LPP: variants seen among roughly 807,000 people sequenced by gnomAD.
LPP encodes the protein lipoma-preferred partner.
Under a neutral mutation model 60.4 loss-of-function variants are expected in LPP, and 38 were observed. The ratio of observed to expected loss-of-function variants is 0.63; its 90% CI spans 0.49 to 0.83. LPP has a LOEUF of 0.83. LPP is among the 40% of genes least tolerant of loss of function. The pLI is 0.00. For missense variants in LPP, 902 were observed against 783.6 expected, an observed-to-expected ratio of 1.15 and a Z score of -1.80; for synonymous variants, 328 against 290.8, an observed-to-expected ratio of 1.13 and a Z score of -1.30.
At chr3:188,417,790 G>C (rs569286401) in intron 4 of LPP, among the ~76,000 whole-genome samples, 2 of 152,128 alleles carry the variant, frequency 1.3e-5, no homozygotes, top group Non-Finnish European at 2.9e-5. Context: ...CAAATGCTAA[G>C]GCAAGAAAGA....
At chr3:188,517,963 C>T (rs1817854657) in intron 5 of LPP, among the ~76,000 whole-genome samples, 1 of 152,020 alleles carries the variant, frequency 6.6e-6, no homozygotes, top group Non-Finnish European at 1.5e-5. Flanking sequence ...GAGTATAGCA[C>T]CTCTCCTCGC....
At chr3:188,862,741 G>GAAAAAAAAAA (rs1560308504) in intron 9 of LPP, among the ~76,000 whole-genome samples, 7 of 105,620 alleles carry the variant, frequency 6.6e-5, no homozygotes, top group African/African-American at 2.7e-4. Flanking sequence ...ATAAATAAAA[G>GAAAAAAAAAA]AAAAAAGAAA....
intron 6 of LPP, among the ~76,000 whole-genome samples, chr3:188,574,607 A>G (rs984945914): frequency 8.5e-5 from 13 of 152,054 alleles, no homozygotes; most frequent in Non-Finnish European, 1.9e-4. Context: ...CTTGCTCTCA[A>G]ACTTTGTTTC....
At chr3:188,177,882 A>G (rs973795317) in intron 1 of LPP, among the ~76,000 whole-genome samples, 1 of 152,180 alleles carries the variant, frequency 6.6e-6, no homozygotes, top group Non-Finnish European at 1.5e-5. Flanking sequence ...TTGCTGCCCG[A>G]GGTGGGACAG....
intron 2 of LPP, among the ~76,000 whole-genome samples, chr3:188,331,087 C>A (rs1475312002): frequency 6.6e-6 from 1 of 152,124 alleles, no homozygotes; most frequent in African/African-American, 2.4e-5. Context: ...TTGACCCCTT[C>A]AAAATGCCTG....
At chr3:188,396,689 C>T (rs1299570062) in intron 3 of LPP, among the ~76,000 whole-genome samples, 1 of 152,122 alleles carries the variant, frequency 6.6e-6, no homozygotes, top group Non-Finnish European at 1.5e-5. Context: ...TTTACAAATC[C>T]AGATTTCCAC....
intron 7 of LPP, among the ~76,000 whole-genome samples, chr3:188,678,962 T>C (rs561160079): frequency 6.6e-6 from 1 of 152,260 alleles, no homozygotes; most frequent in South Asian, 2.1e-4. Flanking sequence ...TATAGACTGG[T>C]TGAGTGGATT....
chr3:188,725,557 T>C (rs1718071566), intron 8 of LPP: 1 of 152,204 alleles, frequency 6.6e-6, no homozygotes, highest in African/African-American at 2.4e-5. Flanking sequence ...CTTGTAATCT[T>C]ATTTTATTTG....
intron 7 of LPP, among the ~76,000 whole-genome samples, chr3:188,616,786 A>G (rs1844930743): frequency 1.3e-5 from 2 of 152,096 alleles, no homozygotes; most frequent in South Asian, 4.1e-4. Context: ...TCTCATCTAC[A>G]TATCATAGTT....
At chr3:188,837,705 A>G (rs13084159) in intron 9 of LPP, among the ~76,000 whole-genome samples, 18,311 of 152,190 alleles carry the variant, frequency 0.12, 1,574 homozygotes, top group Non-Finnish European at 0.18. Flanking sequence ...CTTGCTTTCC[A>G]GAATCTTTTC....
intron 6 of LPP, among the ~76,000 whole-genome samples, chr3:188,597,684 G>A (rs1251508347): frequency 6.6e-6 from 1 of 152,090 alleles, no homozygotes; most frequent in Non-Finnish European, 1.5e-5. Flanking sequence ...ACTGATGGGG[G>A]ATGGGAAGTG....
intron 9 of LPP, among the ~76,000 whole-genome samples, chr3:188,780,803 G>A (rs574379734): frequency 6.6e-6 from 1 of 152,258 alleles, no homozygotes; most frequent in African/African-American, 2.4e-5. Flanking sequence ...CCTTTCAGAA[G>A]ATGCCAGAAA....
intron 7 of LPP, among the ~76,000 whole-genome samples, chr3:188,626,384 T>C (rs1247114650): frequency 6.6e-6 from 1 of 150,968 alleles, no homozygotes; most frequent in African/African-American, 2.5e-5. Context: ...GTATAGCATA[T>C]CATATATATA....
intron 5 of LPP, among the ~76,000 whole-genome samples, chr3:188,522,488 C>T (rs887630898): frequency 2.6e-5 from 4 of 152,164 alleles, no homozygotes; most frequent in African/African-American, 9.7e-5. Flanking sequence ...GTGTCACAGT[C>T]TGTCATTATT....
At chr3:188,641,794 C>T (rs951987876) in intron 7 of LPP, among the ~76,000 whole-genome samples, 1 of 152,170 alleles carries the variant, frequency 6.6e-6, no homozygotes, top group Non-Finnish European at 1.5e-5. Flanking sequence ...ATAGACACAA[C>T]ACTTCTGTTA....
intron 1 of LPP, among the ~76,000 whole-genome samples, chr3:188,210,230 G>C (rs1223072605): frequency 6.6e-6 from 1 of 152,088 alleles, no homozygotes; most frequent in South Asian, 2.1e-4. Context: ...TAAAAGACTT[G>C]AGCATCTCTG....
rs1337153863 is a variant in LPP at position 188,248,483 on chromosome 3, T to TATATAC, written c.-67+22961_-67+22962insCATATA. 6.6e-5 allele frequency among the ~76,000 whole-genome samples: 9 copies of TATATAC among 136,448 alleles called. 1 individual carries two copies. The East Asian group carries it at 1.8e-3, about 28-fold the overall frequency. 89.5% of individuals were successfully genotyped at this position (136,448 alleles called of 152,430 possible). On this transcript the variant is annotated intron_variant, in intron 2 of 11. Coordinates refer to ENST00000617246, the MANE Select transcript of LPP (RefSeq NM_001375462.1). ...CAGTATAACTTTATATATATATATA[T>TATATAC]ATATATATATATATACAGTCAGCAG...
At chr3:188,333,709 A>T (rs1167465489) in intron 2 of LPP, among the ~76,000 whole-genome samples, 1 of 152,176 alleles carries the variant, frequency 6.6e-6, no homozygotes, top group East Asian at 1.9e-4. Context: ...TGAATTTTTT[A>T]AAAGTATTTA....
At chr3:188,223,349 A>G (rs1045756130) in intron 1 of LPP, among the ~76,000 whole-genome samples, 1 of 152,202 alleles carries the variant, frequency 6.6e-6, no homozygotes, top group African/African-American at 2.4e-5. Context: ...TAAAAAATAG[A>G]AAACAACCAA....
Sources: allele counts gnomAD v4.1 joint callset (sites outside exome capture counted in the v4.1 genomes callset), GRCh38; gene constraint gnomAD v4.1.1; transcripts MANE v1.5; gene names NCBI Gene and HGNC (gene_info 2026-07-23, HGNC 2026-07-21).